Variants in SRPK2 observed in about 807,000 individuals in gnomAD.
SRPK2 encodes the protein SRSF protein kinase 2.
SRPK2 carries 21 observed loss-of-function variants against 90.8 expected under a neutral mutation model. The observed-to-expected ratio is 0.23, with a 90% CI of 0.16 to 0.33. SRPK2 has a LOEUF of 0.33. Among genes scored for constraint, SRPK2 ranks in the 10% least tolerant of loss-of-function variants. The pLI is 1.00. For missense variants in SRPK2, 620 were observed against 869.0 expected (o/e 0.71, Z 3.60); for synonymous variants, 288 against 311.1 (o/e 0.93, Z 0.78).
intron 2 of SRPK2, among the ~76,000 whole-genome samples, chr7:105,222,834 G>A (rs1178892393): frequency 2.0e-5 from 3 of 151,994 alleles, no homozygotes; most frequent in East Asian, 1.9e-4. Context: ...TCATGGAGTC[G>A]TCTGTGGAAC....
intron 2 of SRPK2, among the ~76,000 whole-genome samples, chr7:105,261,348 C>T (rs1356521866): frequency 6.6e-6 from 1 of 151,972 alleles, no homozygotes; most frequent in Non-Finnish European, 1.5e-5. Flanking sequence ...TGTGAAACCC[C>T]GTCTCTACTA....
intron 2 of SRPK2, among the ~76,000 whole-genome samples, chr7:105,371,733 A>G (rs1039376225): frequency 2.0e-5 from 3 of 152,124 alleles, no homozygotes; most frequent in Non-Finnish European, 4.4e-5. Context: ...AAAGAAAAAG[A>G]AATGCTATAA....
chr7:105,126,963 C>T, intron 14 of SRPK2, 30 bp downstream of exon 14: 1 of 1,607,448 alleles, frequency 6.2e-7, no homozygotes, highest in Non-Finnish European at 8.5e-7. Context: ...AAGACCTAGA[C>T]CGAGGTATTC....
chr7:105,214,605 A>C (rs1797229895), intron 2 of SRPK2, among the ~76,000 whole-genome samples: 1 of 152,234 alleles, frequency 6.6e-6, no homozygotes, highest in Non-Finnish European at 1.5e-5. Context: ...AGGCAGAAGA[A>C]ACAATTCTAG....
intron 2 of SRPK2, among the ~76,000 whole-genome samples, chr7:105,283,377 A>T (rs1045012640): frequency 6.6e-6 from 1 of 152,246 alleles, no homozygotes. Flanking sequence ...TAATAATCAA[A>T]AAGTGGGAAC....
chr7:105,207,115 G>A (rs965359780), intron 2 of SRPK2, among the ~76,000 whole-genome samples: 1 of 152,198 alleles, frequency 6.6e-6, no homozygotes, highest in Non-Finnish European at 1.5e-5. Context: ...AGAAAGCCAA[G>A]CCATACTGTC....
At chr7:105,344,310 A>G (rs970123691) in intron 2 of SRPK2, among the ~76,000 whole-genome samples, 6 of 151,412 alleles carry the variant, frequency 4.0e-5, no homozygotes, top group Non-Finnish European at 7.4e-5. Context: ...TTTTCTTTGA[A>G]GATTATAGCT....
intron 2 of SRPK2, among the ~76,000 whole-genome samples, chr7:105,365,487 CAAAAA>C (rs374198950): frequency 4.3e-5 from 3 of 69,712 alleles, no homozygotes; most frequent in African/African-American, 1.6e-4. Flanking sequence ...AATTCTGTCT[CAAAAA>C]AAAAAAAAAA....
At chr7:105,366,054 G>C (rs983592314) in intron 2 of SRPK2, among the ~76,000 whole-genome samples, 2 of 151,946 alleles carry the variant, frequency 1.3e-5, no homozygotes, top group African/African-American at 4.8e-5. Context: ...AGGGTTTCAT[G>C]ATGTTGGACA....
intron 2 of SRPK2, among the ~76,000 whole-genome samples, chr7:105,373,967 G>A (rs1292213155): frequency 1.3e-5 from 2 of 151,896 alleles, no homozygotes; most frequent in African/African-American, 4.8e-5. Flanking sequence ...TTGCTCTGTC[G>A]CCCACGCTGG....
At chr7:105,214,301 T>G (rs1388226417) in intron 2 of SRPK2, among the ~76,000 whole-genome samples, 3 of 152,234 alleles carry the variant, frequency 2.0e-5, no homozygotes, top group Non-Finnish European at 4.4e-5. Context: ...AAAAAGAGTT[T>G]AGAACATTTT....
At chr7:105,194,726 G>T (rs573853169) in intron 3 of SRPK2, among the ~76,000 whole-genome samples, 15 of 152,296 alleles carry the variant, frequency 9.8e-5, no homozygotes, top group African/African-American at 3.1e-4. Flanking sequence ...GATCGAGACA[G>T]GTCAAAACAA....
chr7:105,142,359 T>A lies in SRPK2; in HGVS notation c.1192A>T (p.Ile398Phe). ...TCCAGTGAGAATGGGCCATTCTCAA[T>A]ATGGCCATTGGTTTTAGGTGATTCT... ...WIESPKTNGH[I>F]ENGPFSLEQQ... Residue 398 changes from isoleucine (I) to phenylalanine (F), a missense_variant, in exon 11 of 16, where the codon ATT becomes TTT. Ile to Phe is a conservative substitution (Grantham distance 21, BLOSUM62 0). Transcript: ENST00000393651. The A allele has an allele frequency of 6.2e-7, 1 of 1,614,148 alleles. No individual in the cohort carries two copies. Among genetic ancestry groups the A allele is most frequent in the South Asian group, 1.1e-5 (1 of 91,078 alleles).
At chr7:105,342,830 G>A (rs2131910879) in intron 2 of SRPK2, among the ~76,000 whole-genome samples, 1 of 152,250 alleles carries the variant, frequency 6.6e-6, no homozygotes, top group East Asian at 1.9e-4. Context: ...ACAAGAAGAG[G>A]AAAGGAGGGA....
At chr7:105,145,331 C>A in intron 8 of SRPK2, 23 bp from the exon 9 acceptor site, 2 of 1,574,660 alleles carry the variant, frequency 1.3e-6, no homozygotes, top group African/African-American at 1.3e-5. Flanking sequence ...CAAACAAAAT[C>A]TGTATTTAGC....
chr7:105,365,667 C>G (rs919593596), intron 2 of SRPK2, among the ~76,000 whole-genome samples: 1 of 151,330 alleles, frequency 6.6e-6, no homozygotes, highest in Non-Finnish European at 1.5e-5. Flanking sequence ...GGCGTGGTGG[C>G]GTGTACCTGC....
At chr7:105,379,482 A>ATTT (rs1820691916) in intron 2 of SRPK2, among the ~76,000 whole-genome samples, 1 of 152,164 alleles carries the variant, frequency 6.6e-6, no homozygotes, top group Non-Finnish European at 1.5e-5. Context: ...ATATGATTTC[A>ATTT]TTTATATGAA....
intron 2 of SRPK2, among the ~76,000 whole-genome samples, chr7:105,246,975 G>C (rs2129628804): frequency 6.6e-6 from 1 of 152,278 alleles, no homozygotes; most frequent in Non-Finnish European, 1.5e-5. Flanking sequence ...CTAAGATTCA[G>C]ACAGTAAATG....
intron 3 of SRPK2, among the ~76,000 whole-genome samples, chr7:105,197,553 C>G (rs1795065411): frequency 6.6e-6 from 1 of 152,124 alleles, no homozygotes; most frequent in Non-Finnish European, 1.5e-5. Context: ...GAGAAAATGC[C>G]TTTATCCAAA....
Sources: gnomAD v4.1 joint callset for allele counts (sites outside exome capture counted in the v4.1 genomes callset) on GRCh38, gnomAD v4.1.1 for gene constraint, MANE v1.5 for transcripts, NCBI Gene and HGNC (gene_info 2026-07-23, HGNC 2026-07-21) for gene names.